PPP1R9A: variants seen among roughly 807,000 people sequenced by gnomAD.
PPP1R9A encodes neurabin-1.
A neutral mutation model predicts 141.9 loss-of-function variants in PPP1R9A; 59 were observed. The ratio of observed to expected loss-of-function variants is 0.42; its 90% CI spans 0.34 to 0.52. The LOEUF (loss-of-function observed/expected upper bound fraction) is 0.52, where lower values mean the gene tolerates loss of function less well. Among genes scored for constraint, PPP1R9A ranks in the 20% least tolerant of loss-of-function variants. The pLI is 0.10. For missense variants in PPP1R9A, 1,444 were observed against 1,611.9 expected, an observed-to-expected ratio of 0.90 and a Z score of 1.78; for synonymous variants, 500 against 569.7, an observed-to-expected ratio of 0.88 and a Z score of 1.74.
intron 7 of PPP1R9A, among the ~76,000 whole-genome samples, chr7:95,214,863 A>G (rs917902920): frequency 1.3e-5 from 2 of 152,208 alleles, no homozygotes; most frequent in African/African-American, 4.8e-5. Context: ...TGAGAGCCTG[A>G]AGGTAAGGAA....
At chr7:95,096,962 C>G (rs767780336) in intron 2 of PPP1R9A, among the ~76,000 whole-genome samples, 9 of 152,224 alleles carry the variant, frequency 5.9e-5, no homozygotes, top group Admixed American at 2.0e-4. Context: ...CTACTGTGTG[C>G]TCCCATAGCA....
intron 2 of PPP1R9A, among the ~76,000 whole-genome samples, chr7:94,999,829 TCTCA>T (rs1403069959): frequency 6.8e-6 from 1 of 146,616 alleles, no homozygotes; most frequent in African/African-American, 2.6e-5. Context: ...TTAGATAGAG[TCTCA>T]CTCTGTTGCC....
At chr7:95,122,146 ATTTT>A (rs1273220292) in intron 4 of PPP1R9A, among the ~76,000 whole-genome samples, 2 of 133,896 alleles carry the variant, frequency 1.5e-5, no homozygotes, top group Non-Finnish European at 1.6e-5. Context: ...CCAGAGCACC[ATTTT>A]TTTTTTTTTT....
intron 2 of PPP1R9A, among the ~76,000 whole-genome samples, chr7:95,081,500 G>T (rs944848742): frequency 2.0e-5 from 3 of 151,958 alleles, no homozygotes; most frequent in Non-Finnish European, 4.4e-5. Context: ...AAATGTACTG[G>T]ATGGAATTAA....
Position 95,284,216 on chromosome 7 carries a change from G to C in PPP1R9A, c.3495G>C (p.Lys1165Asn). ...ETLISDKKGS[K>N]VENTWITKAN... is the part of the protein sequence containing the mutation. ...TAATTTCAGATAAAAAGGGGTCCAA[G>C]GTAGAAAACACATGGATTACAAAAG... is the stretch of plus-strand genomic sequence containing the variant. The change falls in exon 17 of 20, where the codon AAG becomes AAC. Residue 1165 changes from lysine (K) to asparagine (N), a missense_variant. Physicochemically the swap from Lys to Asn is moderately conservative, Grantham distance 94. Around this residue, in one of 5 missense-constraint regions of PPP1R9A, gnomAD observed 459 missense variants for 513.8 expected, o/e 0.89. Transcript: ENST00000433360. 1 of 1,570,484 alleles carries C rather than the reference G, an allele frequency of 6.4e-7. No individual in the cohort carries two copies. The highest frequency in any genetic ancestry group is 8.7e-7 in the Non-Finnish European group (1 of 1,153,504).
At chr7:95,232,762 G>GA (rs773395755) in intron 8 of PPP1R9A, among the ~76,000 whole-genome samples, 2 of 152,088 alleles carry the variant, frequency 1.3e-5, no homozygotes, top group African/African-American at 4.8e-5. Flanking sequence ...ACAAACATAT[G>GA]AAAAAAAGCT....
At chr7:95,209,390 A>C (rs1034043859) in intron 7 of PPP1R9A, among the ~76,000 whole-genome samples, 1 of 152,178 alleles carries the variant, frequency 6.6e-6, no homozygotes, top group Non-Finnish European at 1.5e-5. Flanking sequence ...ACCAAATCTG[A>C]ATATGGCTTG....
intron 12 of PPP1R9A, among the ~76,000 whole-genome samples, chr7:95,262,891 A>T (rs17166736): frequency 0.081 from 12,380 of 152,192 alleles, 1,244 homozygotes; most frequent in African/African-American, 0.23. Flanking sequence ...CTTGTTCTGG[A>T]ACTGTTGAAA....
rs1220027111 is a variant in PPP1R9A, at chr7:95,203,669, CTG to C, written c.1898_1899del (p.Val633GlyfsTer2). The stretch of plus-strand genomic sequence containing the variant: ...ATTTTTTGTCAACCATTTTAGAACA[CTG>C]TGGCTGAATTGCAAGGAATGTCTGG... On this transcript the variant is annotated frameshift_variant, in exon 7 of 20. Transcript: ENST00000433360. LOFTEE classifies it high-confidence loss of function. 6.5e-7 allele frequency: 1 copy of C among 1,536,144 alleles called. No homozygotes were observed. The highest frequency in any genetic ancestry group is 8.7e-7 in the Non-Finnish European group (1 of 1,146,188).
chr7:95,255,687 C>CT (rs1268913585), intron 12 of PPP1R9A, among the ~76,000 whole-genome samples: 1 of 151,926 alleles, frequency 6.6e-6, no homozygotes, highest in African/African-American at 2.4e-5. Context: ...ATTTAAGGCA[C>CT]TATGTAAGCA....
chr7:95,145,631 G>C (rs1202074739), intron 4 of PPP1R9A, among the ~76,000 whole-genome samples: 1 of 152,104 alleles, frequency 6.6e-6, no homozygotes, highest in Non-Finnish European at 1.5e-5. Context: ...AGAAATTGCT[G>C]GGCATGGCGG....
At chr7:95,107,549 T>C (rs1819719006) in intron 2 of PPP1R9A, among the ~76,000 whole-genome samples, 1 of 152,134 alleles carries the variant, frequency 6.6e-6, no homozygotes, top group African/African-American at 2.4e-5. Context: ...CTTTGTGATA[T>C]AAATAGGAAT....
Position 95,102,713 on chromosome 7 carries a change from G to GTTAACT in PPP1R9A, c.1396-8545_1396-8544insTAACTT, listed in dbSNP as rs1331001835. On this transcript the variant is annotated intron_variant, in intron 2 of 19. Transcript: ENST00000433360. Reference sequence around the variant, plus strand: ...TATGAAATGCTTTAACTTGTCAAAAGTGTCTCTGTAACTTGTAGGTGTTGT... The same window carrying GTTAACT: ...TATGAAATGCTTTAACTTGTCAAAAGTTAACTTGTCTCTGTAACTTGTAGGTGTTGT... Among the ~76,000 whole-genome samples, 3 of 152,168 alleles carry GTTAACT rather than the reference G, an allele frequency of 2.0e-5. No homozygotes were observed. The East Asian group carries it at 5.8e-4, about 29-fold the overall frequency.
intron 2 of PPP1R9A, among the ~76,000 whole-genome samples, chr7:95,059,010 G>A (rs548768712): frequency 6.6e-6 from 1 of 151,840 alleles, no homozygotes; most frequent in African/African-American, 2.4e-5. Context: ...GGCTGGTCTC[G>A]AACTCCTGAC....
chr7:95,079,272 G>A (rs1188093752), intron 2 of PPP1R9A, among the ~76,000 whole-genome samples: 6 of 152,098 alleles, frequency 3.9e-5, no homozygotes, highest in Non-Finnish European at 7.4e-5. Context: ...TCTCAGGTTT[G>A]TCAAAGATCA....
chr7:95,070,581 T>A (rs1038807998), intron 2 of PPP1R9A, among the ~76,000 whole-genome samples: 51 of 89,850 alleles, frequency 5.7e-4, no homozygotes, highest in African/African-American at 2.2e-3. Context: ...TCAATTATTT[T>A]TTAAATCTCT....
intron 2 of PPP1R9A, among the ~76,000 whole-genome samples, chr7:95,077,312 T>C (rs886776165): frequency 6.6e-6 from 1 of 152,194 alleles, no homozygotes; most frequent in Admixed American, 6.5e-5. Context: ...TTAATTTATA[T>C]AATCTGTGAT....
chr7:95,164,861 C>T (rs1037682239), intron 5 of PPP1R9A, among the ~76,000 whole-genome samples: 9 of 150,680 alleles, frequency 6.0e-5, no homozygotes, highest in Admixed American at 2.0e-4. Flanking sequence ...ATAGTATATC[C>T]AGCTTCCTAC....
At chr7:94,935,023 C>A (rs955605103) in intron 2 of PPP1R9A, among the ~76,000 whole-genome samples, 2 of 152,062 alleles carry the variant, frequency 1.3e-5, no homozygotes, top group Admixed American at 1.3e-4. Context: ...CTGCACCCAG[C>A]TTATAATTTT....
Sources: gnomAD v4.1 joint callset for allele counts (sites outside exome capture counted in the v4.1 genomes callset) on GRCh38, gnomAD v4.1.1 for gene constraint, gnomAD v4.1.1 regional missense constraint, MANE v1.5 for transcripts, NCBI Gene and HGNC (gene_info 2026-07-23, HGNC 2026-07-21) for gene names.